Variants in KIAA1958 observed in about 807,000 individuals in gnomAD.
KIAA1958 encodes the protein KIAA1958, also known as uncharacterized protein KIAA1958.
In KIAA1958, 14 loss-of-function variants were observed where a neutral mutation model predicts 47.2. The ratio of observed to expected loss-of-function variants is 0.30; its 90% CI spans 0.20 to 0.46. The LOEUF (loss-of-function observed/expected upper bound fraction) is 0.46. KIAA1958 is among the 20% of genes least tolerant of loss of function. The pLI is 1.00. For synonymous variants in KIAA1958, 354 were observed against 353.3 expected, an observed-to-expected ratio of 1.00 and a Z score of -0.02; for missense variants, 803 against 909.2, an observed-to-expected ratio of 0.88 and a Z score of 1.50.
At chr9:112,507,456 CT>C (rs1369998908) in intron 1 of KIAA1958, among the ~76,000 whole-genome samples, 1 of 152,112 alleles carries the variant, frequency 6.6e-6, no homozygotes, top group Non-Finnish European at 1.5e-5. Context: ...TCAAGTTATT[CT>C]TTTGCCTTAG....
intron 1 of KIAA1958, among the ~76,000 whole-genome samples, chr9:112,539,682 A>G (rs894863834): frequency 1.4e-4 from 21 of 150,116 alleles, no homozygotes; most frequent in Admixed American, 1.1e-3. Context: ...ATATATATAT[A>G]TTTTTTTTGC....
chr9:112,536,173 C>G (rs1385678061), intron 1 of KIAA1958, among the ~76,000 whole-genome samples: 1 of 152,062 alleles, frequency 6.6e-6, no homozygotes, highest in African/African-American at 2.4e-5. Flanking sequence ...TTTTAGAGAC[C>G]AAGCCACAGA....
At chr9:112,560,542 T>G (rs1835310270) in intron 1 of KIAA1958, among the ~76,000 whole-genome samples, 1 of 152,200 alleles carries the variant, frequency 6.6e-6, no homozygotes, top group Non-Finnish European at 1.5e-5. Flanking sequence ...ATCAAGGTGT[T>G]TGTTTTCCAC....
At position 112,609,322 on chromosome 9, in the gene KIAA1958, C is replaced by T. The variant is rs78676822; in HGVS notation, c.1171+34071C>T. 4.3e-3 allele frequency among the ~76,000 whole-genome samples: 647 copies of T among 152,164 alleles called. 1 individual carries two copies. The highest frequency in any genetic ancestry group is 0.011 in the Admixed American group (161 of 15,284). On this transcript the variant is annotated intron_variant, in intron 2 of 3. Coordinates refer to ENST00000337530, the MANE Select transcript of KIAA1958 (RefSeq NM_133465.4). ...TATAGGGCACACTACTTAAATTCGA[C>T]GTAACTTTATAATCAGATAACTAAC...
In KIAA1958 at chr9:112,625,028, C is replaced by T. The variant is rs918613371; in HGVS notation, c.1172-20622C>T. 3.3e-4 allele frequency among the ~76,000 whole-genome samples: 4 copies of T among 12,024 alleles called. No individual in the cohort carries two copies. In the African/African-American group the frequency reaches 4.0e-3, roughly 12 times the overall value. The allele number at this position is 12,024 out of a possible 152,430, so 7.9% of individuals were successfully genotyped here. On this transcript the variant is annotated intron_variant, in intron 2 of 3. Transcript: ENST00000337530. The stretch of plus-strand genomic sequence containing the variant: ...CCCAGAGGTCTCATGTTTCCTACCC[C>T]CTCCCCTCCTTTGAGACTCACTAGA...
At chr9:112,526,110 A>G (rs1834647488) in intron 1 of KIAA1958, among the ~76,000 whole-genome samples, 2 of 2,590 alleles carry the variant, frequency 7.7e-4, no homozygotes, top group South Asian at 0.016. Flanking sequence ...GATTACAAGC[A>G]TGAACCACCA....
intron 2 of KIAA1958, among the ~76,000 whole-genome samples, chr9:112,591,927 G>T (rs1175669778): frequency 6.6e-6 from 1 of 152,168 alleles, no homozygotes; most frequent in African/African-American, 2.4e-5. Context: ...GAGCAATGGT[G>T]ATCTCACGCT....
rs1162779234 is a variant in KIAA1958 at position 112,667,898 on chromosome 9, G to C, written c.*7829G>C. On this transcript the variant is annotated 3_prime_UTR_variant, in exon 4 of 4. Transcript: ENST00000337530. Reference sequence around the variant, plus strand: ...TGGGCTCTGGGCTATTAAATACCAGGACATTATCCACTAGAGGAAGGGTAT... The same window carrying C: ...TGGGCTCTGGGCTATTAAATACCAGCACATTATCCACTAGAGGAAGGGTAT... 1 of 152,056 alleles carries C rather than the reference G, an allele frequency of 6.6e-6. No individual in the cohort carries two copies. Among genetic ancestry groups the C allele is most frequent in the African/African-American group, 2.4e-5 (1 of 41,402 alleles). 9.4% of individuals were successfully genotyped at this position (152,056 alleles called of 1,614,324 possible).
intron 2 of KIAA1958, among the ~76,000 whole-genome samples, chr9:112,606,847 G>A (rs886234428): frequency 6.6e-6 from 1 of 152,164 alleles, no homozygotes; most frequent in Non-Finnish European, 1.5e-5. Flanking sequence ...CCAAGTTAGG[G>A]ACTAGAAGTT....
At chr9:112,617,854 C>A in intron 2 of KIAA1958, 2 of 1,533,540 alleles carry the variant, frequency 1.3e-6, no homozygotes, top group South Asian at 2.4e-5. Context: ...TATCCCTCCC[C>A]CCCCAATTTG....
chr9:112,542,567 TCTA>T (rs1205288703), intron 1 of KIAA1958, among the ~76,000 whole-genome samples: 15 of 152,364 alleles, frequency 9.8e-5, no homozygotes, highest in African/African-American at 3.6e-4. Flanking sequence ...TGTAAATCAT[TCTA>T]CTAAAATTTC....
At chr9:112,612,908 A>G (rs1836350360) in intron 2 of KIAA1958, among the ~76,000 whole-genome samples, 1 of 152,214 alleles carries the variant, frequency 6.6e-6, no homozygotes, top group Admixed American at 6.5e-5. Flanking sequence ...ATTCTGTTAT[A>G]TCCATATATA....
At chr9:112,492,332 TC>T (rs1030192678) in intron 1 of KIAA1958, among the ~76,000 whole-genome samples, 2 of 152,212 alleles carry the variant, frequency 1.3e-5, no homozygotes, top group African/African-American at 4.8e-5. Flanking sequence ...TGTCCTAATT[TC>T]CTCTTAAGAA....
intron 2 of KIAA1958, among the ~76,000 whole-genome samples, chr9:112,633,023 A>G (rs988451810): frequency 1.3e-5 from 2 of 151,652 alleles, no homozygotes; most frequent in Non-Finnish European, 2.9e-5. Flanking sequence ...CAATTATACC[A>G]TTTATTGAAG....
chr9:112,604,361 C>G (rs1836188267), intron 2 of KIAA1958, among the ~76,000 whole-genome samples: 1 of 152,148 alleles, frequency 6.6e-6, no homozygotes, highest in South Asian at 2.1e-4. Flanking sequence ...AGTCATTAAC[C>G]TAAAACTTTT....
chr9:112,505,248 C>T (rs1185195674), intron 1 of KIAA1958, among the ~76,000 whole-genome samples: 1 of 152,162 alleles, frequency 6.6e-6, no homozygotes, highest in Non-Finnish European at 1.5e-5. Context: ...GTTCTTTAGG[C>T]TAGCACCCTG....
At position 112,571,441 on chromosome 9, in the gene KIAA1958, C is replaced by T. The variant is rs182244249; in HGVS notation, c.-24-2616C>T. Among the ~76,000 whole-genome samples, 4 of 152,262 alleles carry T rather than the reference C, an allele frequency of 2.6e-5. No individual in the cohort carries two copies. The East Asian group carries it at 7.7e-4, about 29-fold the overall frequency. ...CTATGGCGTTCAGAATTTTGTCTTT[C>T]AGGATTATGATGCGAACCCCTTCCA... is the stretch of plus-strand genomic sequence containing the variant. On this transcript the variant is annotated intron_variant, in intron 1 of 3. Coordinates refer to ENST00000337530, the MANE Select transcript of KIAA1958 (RefSeq NM_133465.4).
chr9:112,589,120 T>C (rs1835877128), intron 2 of KIAA1958, among the ~76,000 whole-genome samples: 1 of 152,152 alleles, frequency 6.6e-6, no homozygotes, highest in Non-Finnish European at 1.5e-5. Context: ...CTTGTTCCTT[T>C]TGCAAGGGTT....
chr9:112,533,878 C>G (rs1406488549), intron 1 of KIAA1958, among the ~76,000 whole-genome samples: 1 of 152,138 alleles, frequency 6.6e-6, no homozygotes, highest in Non-Finnish European at 1.5e-5. Flanking sequence ...GATTACAATT[C>G]AAGCTGAGAT....
Sources: gnomAD v4.1 joint callset for allele counts (sites outside exome capture counted in the v4.1 genomes callset) on GRCh38, gnomAD v4.1.1 for gene constraint, MANE v1.5 for transcripts, NCBI Gene and HGNC (gene_info 2026-07-23, HGNC 2026-07-21) for gene names.